Variants in NBAS observed in about 807,000 individuals in gnomAD.
NBAS encodes NAG/BC035112 fusion.
NBAS carries 219 observed loss-of-function variants against 302.5 expected under a neutral mutation model. That is an observed-to-expected ratio of 0.72 (90% CI 0.65 to 0.81). The LOEUF (loss-of-function observed/expected upper bound fraction) is 0.81. Among genes scored for constraint, NBAS ranks in the 30% least tolerant of loss-of-function variants. The pLI, the probability that NBAS is intolerant of heterozygous loss-of-function variation, is 0.00. For synonymous variants in NBAS, 1,118 were observed against 1,021.6 expected, an observed-to-expected ratio of 1.09 and a Z score of -1.80; for missense variants, 2,932 against 2,841.6, an observed-to-expected ratio of 1.03 and a Z score of -0.72.
At chr2:15,495,744 C>A (rs764443962) in intron 11 of NBAS, among the ~76,000 whole-genome samples, 1 of 152,012 alleles carries the variant, frequency 6.6e-6, no homozygotes, top group Non-Finnish European at 1.5e-5. Flanking sequence ...CAAACAAGAA[C>A]CACTTCACAC....
At chr2:15,101,460 T>C in the NBAS span, among the ~76,000 whole-genome samples, 1 of 147,834 alleles carries the variant, frequency 6.8e-6, no homozygotes, top group African/African-American at 2.5e-5. Context: ...AATACAAATA[T>C]AGATTACAAT....
At chr2:15,238,344 C>G (rs892555087) in intron 45 of NBAS, 124 bp downstream of exon 45, 3 of 913,316 alleles carry the variant, frequency 3.3e-6, no homozygotes, top group Non-Finnish European at 5.0e-6. Context: ...TAAAGGCTTG[C>G]GGACAATTTT....
At chr2:15,365,356 G>A (rs1267224657) in intron 32 of NBAS, among the ~76,000 whole-genome samples, 1 of 152,114 alleles carries the variant, frequency 6.6e-6, no homozygotes, top group Non-Finnish European at 1.5e-5. Flanking sequence ...GATCCTTATG[G>A]AATATTCCCT....
the NBAS span, among the ~76,000 whole-genome samples, chr2:15,048,822 C>T: frequency 2.6e-5 from 4 of 152,246 alleles, no homozygotes; most frequent in Admixed American, 6.5e-5. Flanking sequence ...CACATGCGGG[C>T]TCAGCCAAAC....
At chr2:14,810,515 T>A in the NBAS span, among the ~76,000 whole-genome samples, 1 of 152,210 alleles carries the variant, frequency 6.6e-6, no homozygotes, top group Non-Finnish European at 1.5e-5. Context: ...TCCCCAGCCA[T>A]GTGGAACTAT....
At position 15,476,091 on chromosome 2, in the gene NBAS, C is replaced by T. The variant is rs2111449; in HGVS notation, c.1148-211G>A. On this transcript the variant is annotated intron_variant, in intron 13 of 51. Transcript: ENST00000281513. ...ATGTTAATTCCCTTGACAAATTGAGCGCCAACAATTTGTCAGTCTAGGTCT... is the reference window on the plus strand; with the variant it reads ...ATGTTAATTCCCTTGACAAATTGAGTGCCAACAATTTGTCAGTCTAGGTCT... Among the ~76,000 whole-genome samples, 101,829 of 151,904 alleles carry T rather than the reference C, an allele frequency of 0.67. 34,846 individuals are homozygous for T. The highest frequency in any genetic ancestry group is 0.77 in the Middle Eastern group (225 of 294).
At chr2:15,084,085 TC>T in the NBAS span, among the ~76,000 whole-genome samples, 24 of 152,080 alleles carry the variant, frequency 1.6e-4, no homozygotes, top group Admixed American at 1.5e-3. Context: ...AGGGTCTCAC[TC>T]TGTTGCCCAG....
the NBAS span, among the ~76,000 whole-genome samples, chr2:14,789,410 A>T: frequency 6.6e-6 from 1 of 151,938 alleles, no homozygotes; most frequent in Admixed American, 6.6e-5. Flanking sequence ...TGCAGAAATC[A>T]CCTGTCTTCT....
intron 49 of NBAS, among the ~76,000 whole-genome samples, chr2:15,187,772 GAACA>G (rs1211174362): frequency 2.0e-5 from 3 of 152,160 alleles, no homozygotes; most frequent in Non-Finnish European, 4.4e-5. Context: ...TCTAGACATT[GAACA>G]ACCAGGGATG....
the NBAS span, among the ~76,000 whole-genome samples, chr2:14,967,598 C>G: frequency 6.6e-6 from 1 of 152,192 alleles, no homozygotes; most frequent in African/African-American, 2.4e-5. Context: ...AAAGTTAAAA[C>G]TAAAATTTCT....
At chr2:15,397,569 G>A (rs1187348288) in intron 26 of NBAS, 6 of 618,450 alleles carry the variant, frequency 9.7e-6, no homozygotes, top group East Asian at 8.4e-5. Flanking sequence ...ACACAGTAAC[G>A]TAGCTTCACA....
chr2:15,127,709 C>T, the NBAS span, among the ~76,000 whole-genome samples: 1 of 152,164 alleles, frequency 6.6e-6, no homozygotes, highest in South Asian at 2.1e-4. Context: ...TTCCAGACTG[C>T]TTGCTCTTTA....
At chr2:15,425,627 A>G (rs572170874) in intron 22 of NBAS, among the ~76,000 whole-genome samples, 1 of 152,246 alleles carries the variant, frequency 6.6e-6, no homozygotes, top group South Asian at 2.1e-4. Context: ...TTCCCTATAT[A>G]TGGAATGGTC....
intron 25 of NBAS, among the ~76,000 whole-genome samples, chr2:15,403,652 C>A (rs4668905): frequency 0.61 from 91,949 of 151,806 alleles, 28,831 homozygotes; most frequent in Non-Finnish European, 0.68. Context: ...GGTAGCCTGG[C>A]GGCAGGAGGG....
At chr2:15,336,210 C>G (rs562691727) in intron 35 of NBAS, among the ~76,000 whole-genome samples, 2 of 152,216 alleles carry the variant, frequency 1.3e-5, no homozygotes, top group East Asian at 3.9e-4. Context: ...ACACTTCTAC[C>G]CACTCAAATA....
chr2:15,147,183 G>C, the NBAS span, among the ~76,000 whole-genome samples: 1 of 152,178 alleles, frequency 6.6e-6, no homozygotes, highest in Non-Finnish European at 1.5e-5. Flanking sequence ...TTGTATTCAA[G>C]AAAAGGAGAA....
chr2:15,089,207 C>T, the NBAS span, among the ~76,000 whole-genome samples: 1 of 152,014 alleles, frequency 6.6e-6, no homozygotes, highest in South Asian at 2.1e-4. Context: ...GTCATGAACT[C>T]CTGATCTCAA....
chr2:15,481,145 G>A (rs138175223), intron 12 of NBAS, among the ~76,000 whole-genome samples: 27 of 152,076 alleles, frequency 1.8e-4, no homozygotes, highest in Non-Finnish European at 3.7e-4. Context: ...CCATTGTAGC[G>A]CATATCAGCA....
At chr2:15,357,898 AACC>A (rs1673703644) in intron 32 of NBAS, among the ~76,000 whole-genome samples, 1 of 152,048 alleles carries the variant, frequency 6.6e-6, no homozygotes, top group South Asian at 2.1e-4. Flanking sequence ...TATAACCACT[AACC>A]CTGGGGCTTT....
Sources: gnomAD v4.1 joint callset for allele counts (sites outside exome capture counted in the v4.1 genomes callset) on GRCh38, gnomAD v4.1.1 for gene constraint, MANE v1.5 for transcripts, NCBI Gene and HGNC (gene_info 2026-07-23, HGNC 2026-07-21) for gene names.